FAH: variants seen among roughly 807,000 people sequenced by gnomAD.
FAH encodes fumarylacetoacetase.
In FAH, 47 loss-of-function variants were observed where a neutral mutation model predicts 55.8. The observed-to-expected ratio is 0.84, with a 90% CI of 0.67 to 1.07. The LOEUF (loss-of-function observed/expected upper bound fraction) is 1.07, where lower values mean the gene tolerates loss of function less well. Ranked by LOEUF, FAH falls within the 50% of genes least tolerant of loss-of-function variation. The pLI, the probability that FAH is intolerant of heterozygous loss-of-function variation, is 0.00. For synonymous variants in FAH, 199 were observed against 207.7 expected (o/e 0.96, Z 0.36); for missense variants, 495 against 545.9 (o/e 0.91, Z 0.93).
intron 1 of FAH, chr15:80,156,178 G>C (rs559723239): frequency 6.5e-5 from 15 of 229,628 alleles, no homozygotes; most frequent in South Asian, 1.7e-4. Flanking sequence ...ACCAAGGAGC[G>C]CTCAAGCGGC....
chr15:80,181,768 C>T (rs1374806373), intron 13 of FAH, among the ~76,000 whole-genome samples: 1 of 152,010 alleles, frequency 6.6e-6, no homozygotes, highest in East Asian at 1.9e-4. Flanking sequence ...GTTTTTGAGT[C>T]GGAGTCTTGC....
chr15:80,170,182 C>T (rs1365446023), intron 7 of FAH, among the ~76,000 whole-genome samples: 1 of 152,238 alleles, frequency 6.6e-6, no homozygotes, highest in African/African-American at 2.4e-5. Context: ...TTGTCTGATG[C>T]CCAAGGTTGG....
intron 9 of FAH, among the ~76,000 whole-genome samples, chr15:80,173,906 T>C (rs1452877559): frequency 6.6e-6 from 1 of 152,202 alleles, no homozygotes; most frequent in African/African-American, 2.4e-5. Flanking sequence ...ACATCCTCGC[T>C]TGAGCATCTC....
chr15:80,170,705 AT>A (rs1467242221), intron 7 of FAH, among the ~76,000 whole-genome samples: 1 of 152,252 alleles, frequency 6.6e-6, no homozygotes, highest in East Asian at 1.9e-4. Flanking sequence ...GAGAGTCAGC[AT>A]GTGGAGAAAT....
At chr15:80,176,296 G>A (rs1024100894) in intron 10 of FAH, among the ~76,000 whole-genome samples, 24 of 152,156 alleles carry the variant, frequency 1.6e-4, no homozygotes, top group African/African-American at 5.5e-4. Flanking sequence ...GATTACAGGC[G>A]TGAGCCACCA....
chr15:80,168,646 G>A (rs894584038), intron 7 of FAH, among the ~76,000 whole-genome samples: 2 of 152,254 alleles, frequency 1.3e-5, no homozygotes, highest in African/African-American at 4.8e-5. Flanking sequence ...GGCTGGACAA[G>A]GTGTTACTCT....
intron 5 of FAH, among the ~76,000 whole-genome samples, chr15:80,165,050 C>T (rs765127055): frequency 1.3e-5 from 2 of 152,198 alleles, no homozygotes; most frequent in Non-Finnish European, 1.5e-5. Context: ...GTAGGTAATA[C>T]AAGACAATTA....
chr15:80,163,832 G>A (rs1201106145), intron 5 of FAH: 1 of 152,198 alleles, frequency 6.6e-6, no homozygotes, highest in African/African-American at 2.4e-5. Flanking sequence ...AATTAGCAGA[G>A]TTTCTAGTGG....
chr15:80,177,764 G>C (rs2041296636), intron 11 of FAH, among the ~76,000 whole-genome samples, 181 bp downstream of exon 11: 1 of 152,172 alleles, frequency 6.6e-6, no homozygotes, highest in African/African-American at 2.4e-5. Flanking sequence ...GTTCTCTCGA[G>C]ATAGAGGCTG....
rs1304773615 is a variant in FAH at position 80,162,349 on chromosome 15, C to T, written c.455+13C>T. 16 of 1,598,668 alleles carry T rather than the reference C, an allele frequency of 1.0e-5. No individual in the cohort carries two copies. The highest frequency in any genetic ancestry group is 1.4e-5 in the Non-Finnish European group (16 of 1,165,976). ...TGATGCCAAATTGGTATGAACTGGG[C>T]CAAATGTCTGCATAAGTTCAAAGTC... On this transcript the variant is annotated intron_variant, in intron 5 of 13. Coordinates refer to ENST00000561421, the MANE Select transcript of FAH (RefSeq NM_000137.4).
rs375848929 is a variant in FAH at position 80,160,353 on chromosome 15, G to T, written c.315-57G>T. 4 of 1,562,252 alleles carry T rather than the reference G, an allele frequency of 2.6e-6. No individual in the cohort carries two copies. The African/African-American group carries it at 5.4e-5, about 21-fold the overall frequency. On this transcript the variant is annotated intron_variant, in intron 3 of 13. Transcript: ENST00000561421. Reference sequence around the variant, plus strand: ...GGGGATGGTCTGGGCTGAGCCCGTGGGTGGGACCGCGCTTTGCTGCCTACT... The same window carrying T: ...GGGGATGGTCTGGGCTGAGCCCGTGTGTGGGACCGCGCTTTGCTGCCTACT...
chr15:80,167,915 G>C (rs2041207247), intron 5 of FAH, 137 bp from the exon 6 acceptor site: 5 of 713,536 alleles, frequency 7.0e-6, no homozygotes, highest in Middle Eastern at 7.5e-4. Context: ...TCTGTGGATG[G>C]AAACTTGTAA....
At chr15:80,157,609 C>T in intron 1 of FAH, 2 of 267,262 alleles carry the variant, frequency 7.5e-6, no homozygotes, top group Non-Finnish European at 7.4e-6. Flanking sequence ...CCACCTGGCC[C>T]TCAGCACTGT....
At position 80,160,470 on chromosome 15, in the gene FAH, T is replaced by C. The variant is rs886453619; in HGVS notation, c.364+11T>C. ...TTCCAGCCACCATAGGTGAGTGCAG[T>C]CTCTTCACCAAGATAAGAACGGAGC... On this transcript the variant is annotated intron_variant, in intron 4 of 13. Coordinates refer to ENST00000561421, the MANE Select transcript of FAH (RefSeq NM_000137.4). The C allele has an allele frequency of 6.2e-7, 1 of 1,613,740 alleles. No individual in the cohort carries two copies. The highest frequency in any genetic ancestry group is 1.1e-5 in the South Asian group (1 of 91,084).
chr15:80,174,833 A>G (rs888780756), intron 9 of FAH, among the ~76,000 whole-genome samples, 183 bp from the exon 10 acceptor site: 1 of 108,534 alleles, frequency 9.2e-6, no homozygotes, highest in African/African-American at 2.8e-5. Flanking sequence ...GACCCACAGT[A>G]TGATCCCCCC....
intron 13 of FAH, 30 bp downstream of exon 13, chr15:80,181,189 T>A (rs201444407): frequency 6.7e-7 from 1 of 1,490,926 alleles, no homozygotes; most frequent in Non-Finnish European, 9.4e-7. Context: ...GCAGCTCGTC[T>A]TCCTCCTTGC....
chr15:80,157,961 G>A lies in FAH; in HGVS notation c.82-99G>A, dbSNP rs902443978. 1.9e-5 allele frequency: 16 copies of A among 857,530 alleles called. No homozygotes were observed. The Admixed American group carries it at 2.4e-4, about 13-fold the overall frequency. The allele number at this position is 857,530 out of a possible 1,614,324, so 53.1% of individuals were successfully genotyped here. On this transcript the variant is annotated intron_variant, in intron 1 of 13. Transcript: ENST00000561421. ...GCTCTGCATACAGGGCCACCTAAAG[G>A]GGGACCTGTGGACTCTTCAATAGAT...
At chr15:80,179,458 C>T (rs990102392) in intron 11 of FAH, among the ~76,000 whole-genome samples, 3 of 151,858 alleles carry the variant, frequency 2.0e-5, no homozygotes, top group East Asian at 1.9e-4. Flanking sequence ...TTTCCTATGC[C>T]GGGATGTGTG....
chr15:80,175,426 C>T (rs547103683), intron 10 of FAH, among the ~76,000 whole-genome samples: 2 of 152,272 alleles, frequency 1.3e-5, no homozygotes, highest in East Asian at 3.9e-4. Context: ...GCCACTGACC[C>T]TCACTTCCGT....
Sources: allele counts gnomAD v4.1 joint callset (sites outside exome capture counted in the v4.1 genomes callset), GRCh38; gene constraint gnomAD v4.1.1; transcripts MANE v1.5; gene names NCBI Gene and HGNC (gene_info 2026-07-23, HGNC 2026-07-21).